PARM1: variants seen among roughly 807,000 people sequenced by gnomAD.
PARM1 encodes the protein WSC4, cell wall integrity and stress response component 4 homolog.
Under a neutral mutation model 24.6 loss-of-function variants are expected in PARM1, and 14 were observed. The observed-to-expected ratio is 0.57, with a 90% CI of 0.38 to 0.89. The LOEUF is 0.89. Among genes scored for constraint, PARM1 ranks in the 40% least tolerant of loss-of-function variants. The probability of loss-of-function intolerance (pLI) is 0.00; values close to 1 mark genes in which losing one functional copy is unlikely to be tolerated. For synonymous variants in PARM1, 179 were observed against 156.6 expected (o/e 1.14, Z -1.07); for missense variants, 362 against 380.4 (o/e 0.95, Z 0.40).
chr4:75,039,206 G>A (rs758613539), intron 3 of PARM1, among the ~76,000 whole-genome samples: 3 of 152,122 alleles, frequency 2.0e-5, no homozygotes, highest in Non-Finnish European at 4.4e-5. Context: ...AAACTTTAAT[G>A]TGCATAAGAA....
chr4:74,961,144 G>A (rs779485672), intron 1 of PARM1, among the ~76,000 whole-genome samples: 1 of 152,110 alleles, frequency 6.6e-6, no homozygotes, highest in Non-Finnish European at 1.5e-5. Flanking sequence ...GAGCTGTGAA[G>A]TATAATAACT....
chr4:74,952,818 G>A (rs1240783777), intron 1 of PARM1, among the ~76,000 whole-genome samples: 3 of 152,168 alleles, frequency 2.0e-5, no homozygotes, highest in Non-Finnish European at 2.9e-5. Context: ...GTGTTTATGT[G>A]TGTGCATATG....
chr4:74,998,619 C>T (rs543842484), intron 1 of PARM1, among the ~76,000 whole-genome samples: 2 of 152,112 alleles, frequency 1.3e-5, no homozygotes, highest in Non-Finnish European at 2.9e-5. Context: ...GGTATTCATT[C>T]CTACAAAATT....
intron 1 of PARM1, among the ~76,000 whole-genome samples, chr4:74,939,582 G>T (rs1247144588): frequency 6.6e-6 from 1 of 151,884 alleles, no homozygotes; most frequent in African/African-American, 2.4e-5. Flanking sequence ...CTTTTGTGCC[G>T]GGATCTTGAG....
chr4:74,974,576 T>C (rs765021514), intron 1 of PARM1, among the ~76,000 whole-genome samples: 7 of 152,190 alleles, frequency 4.6e-5, no homozygotes, highest in Non-Finnish European at 7.3e-5. Context: ...CCATAGAATG[T>C]GGAGGTGATT....
chr4:74,982,486 A>G (rs1238489641), intron 1 of PARM1, among the ~76,000 whole-genome samples: 1 of 152,168 alleles, frequency 6.6e-6, no homozygotes, highest in Admixed American at 6.6e-5. Flanking sequence ...AAAATAAAAA[A>G]TAATAAACAC....
At chr4:75,023,157 C>T (rs1270914565) in intron 2 of PARM1, among the ~76,000 whole-genome samples, 2 of 152,290 alleles carry the variant, frequency 1.3e-5, no homozygotes, top group African/African-American at 4.8e-5. Flanking sequence ...GGAGAAATCA[C>T]GGAGTCATTT....
chr4:74,985,687 T>C (rs566488223), intron 1 of PARM1, among the ~76,000 whole-genome samples: 59 of 152,316 alleles, frequency 3.9e-4, no homozygotes, highest in African/African-American at 1.4e-3. Context: ...CCTCATTCCA[T>C]TTGGCAGGAA....
At chr4:75,002,365 AG>A (rs1722696808) in intron 1 of PARM1, among the ~76,000 whole-genome samples, 1 of 152,200 alleles carries the variant, frequency 6.6e-6, no homozygotes, top group Non-Finnish European at 1.5e-5. Context: ...GGTGGGTAGA[AG>A]GGTATGCCAC....
intron 2 of PARM1, among the ~76,000 whole-genome samples, chr4:75,014,280 G>T (rs1166295617): frequency 6.6e-6 from 1 of 152,218 alleles, no homozygotes; most frequent in Non-Finnish European, 1.5e-5. Flanking sequence ...TCACAATTTA[G>T]TAAGGGAAGA....
At chr4:74,962,495 C>CA (rs1721796846) in intron 1 of PARM1, among the ~76,000 whole-genome samples, 1 of 152,008 alleles carries the variant, frequency 6.6e-6, no homozygotes, top group African/African-American at 2.4e-5. Flanking sequence ...ACTGCCCAGT[C>CA]AAAAAACAGA....
At chr4:74,992,904 C>T (rs959586766) in intron 1 of PARM1, among the ~76,000 whole-genome samples, 2 of 151,996 alleles carry the variant, frequency 1.3e-5, no homozygotes, top group Non-Finnish European at 2.9e-5. Flanking sequence ...TGAAGTGCTC[C>T]AGAAAGTATC....
intron 2 of PARM1, among the ~76,000 whole-genome samples, chr4:75,032,457 C>T (rs1282699983): frequency 2.0e-5 from 3 of 152,028 alleles, no homozygotes; most frequent in South Asian, 4.2e-4. Context: ...TTCATACCAG[C>T]AGACAAAAAT....
intron 1 of PARM1, among the ~76,000 whole-genome samples, chr4:74,948,539 T>A (rs1253882091): frequency 6.6e-6 from 1 of 152,106 alleles, no homozygotes; most frequent in Non-Finnish European, 1.5e-5. Flanking sequence ...ATAAGACAAA[T>A]ACATCTTATA....
intron 1 of PARM1, among the ~76,000 whole-genome samples, chr4:74,983,890 C>T (rs1009686628): frequency 1.3e-5 from 2 of 152,042 alleles, no homozygotes; most frequent in Admixed American, 6.5e-5. Context: ...ATGGTGGTCT[C>T]GCTACGTTGC....
chr4:75,023,055 T>G (rs1723118920), intron 2 of PARM1, among the ~76,000 whole-genome samples: 1 of 152,184 alleles, frequency 6.6e-6, no homozygotes, highest in South Asian at 2.1e-4. Flanking sequence ...GACCAGAGGC[T>G]CAAAGATGAA....
chr4:75,026,662 G>T (rs1035115067), intron 2 of PARM1, among the ~76,000 whole-genome samples: 2 of 152,028 alleles, frequency 1.3e-5, no homozygotes, highest in African/African-American at 4.8e-5. Context: ...TTTTGATTTG[G>T]TCCTGAGTAC....
At chr4:75,014,498 A>C (rs566960828) in intron 2 of PARM1, among the ~76,000 whole-genome samples, 1 of 152,260 alleles carries the variant, frequency 6.6e-6, no homozygotes, top group South Asian at 2.1e-4. Context: ...AGAACCCAGA[A>C]GGAGAGGCCC....
At chr4:74,990,666 A>G (rs945239985) in intron 1 of PARM1, among the ~76,000 whole-genome samples, 2 of 152,128 alleles carry the variant, frequency 1.3e-5, no homozygotes, top group African/African-American at 4.8e-5. Flanking sequence ...GGATGTGAGG[A>G]TCAGAAAATA....
Sources: gnomAD v4.1 joint callset for allele counts (sites outside exome capture counted in the v4.1 genomes callset) on GRCh38, gnomAD v4.1.1 for gene constraint, MANE v1.5 for transcripts, NCBI Gene and HGNC (gene_info 2026-07-23, HGNC 2026-07-21) for gene names.